The following STEAP1B variants were observed in gnomAD, a reference collection of about 807,000 sequenced individuals.
STEAP1B encodes the protein STEAP family member 1B, also known as STEAP family protein MGC87042.
A neutral mutation model predicts 27.9 loss-of-function variants in STEAP1B; 13 were observed. The observed-to-expected ratio is 0.47, with a 90% CI of 0.30 to 0.74. The LOEUF (loss-of-function observed/expected upper bound fraction) is 0.74. Ranked by LOEUF, STEAP1B falls within the 30% of genes least tolerant of loss-of-function variation. The pLI is 0.06. For missense variants in STEAP1B, 250 were observed against 298.7 expected (o/e 0.84, Z 1.20); for synonymous variants, 86 against 107.1 (o/e 0.80, Z 1.22).
At chr7:22,424,644 C>T (rs1396384152) in intron 4 of STEAP1B, among the ~76,000 whole-genome samples, 2 of 151,982 alleles carry the variant, frequency 1.3e-5, no homozygotes, top group African/African-American at 2.4e-5. Context: ...AATAATTCCA[C>T]TAGCTTAAGA....
chr7:22,492,999 T>C (rs10266682), intron 3 of STEAP1B, among the ~76,000 whole-genome samples: 68,518 of 152,020 alleles, frequency 0.45, 15,493 homozygotes, highest in East Asian at 0.58. Context: ...TGTGCATGCA[T>C]ATGTGGTAAA....
In STEAP1B at chr7:22,422,529, T is replaced by C. The variant is rs1785056725; in HGVS notation, c.763-2693A>G. 2.6e-5 allele frequency among the ~76,000 whole-genome samples: 4 copies of C among 152,008 alleles called. No individual in the cohort carries two copies. The South Asian group carries it at 6.2e-4, about 24-fold the overall frequency. ...TTTTTTTGAGATAGAGTTTCACTCT[T>C]ATTGCCCAGGCTGGAGTGCAATGGC... is the stretch of plus-strand genomic sequence containing the variant. On this transcript the variant is annotated intron_variant, in intron 4 of 4. Transcript: ENST00000678116.
intron 4 of STEAP1B, among the ~76,000 whole-genome samples, chr7:22,455,194 C>T: frequency 6.6e-6 from 1 of 152,062 alleles, no homozygotes; most frequent in East Asian, 1.9e-4. Context: ...ACAGAGCAGT[C>T]AGAAAGGGTC....
At chr7:22,481,907 G>A (rs1257190724) in intron 4 of STEAP1B, among the ~76,000 whole-genome samples, 4 of 152,346 alleles carry the variant, frequency 2.6e-5, no homozygotes, top group Admixed American at 1.3e-4. Flanking sequence ...GAAGCATCCT[G>A]TAAGTAAAAC....
chr7:22,468,115 T>A (rs1029547208), intron 4 of STEAP1B, among the ~76,000 whole-genome samples: 7 of 152,230 alleles, frequency 4.6e-5, no homozygotes, highest in African/African-American at 1.4e-4. Context: ...TTTTATTTGC[T>A]AAATTCAAAT....
rs1161348453 is a variant in STEAP1B at position 22,483,633 on chromosome 7, T to C, written c.762+8932A>G. 3.3e-5 allele frequency among the ~76,000 whole-genome samples: 5 copies of C among 152,238 alleles called. No individual in the cohort carries two copies. In the East Asian group the frequency reaches 9.6e-4, roughly 29 times the overall value. On this transcript the variant is annotated intron_variant, in intron 4 of 4. Coordinates refer to ENST00000678116, the MANE Select transcript of STEAP1B (RefSeq NM_001382447.1). ...TCAAAATTTTTCATTATCATTATTG[T>C]ATCTGTGATGGTGATCTGTCATCAG... is the stretch of plus-strand genomic sequence containing the variant.
At chr7:22,467,081 T>G (rs1463567574) in intron 4 of STEAP1B, among the ~76,000 whole-genome samples, 1 of 152,210 alleles carries the variant, frequency 6.6e-6, no homozygotes, top group Non-Finnish European at 1.5e-5. Context: ...AATTGAAGGT[T>G]GTTCCAATTG....
chr7:22,458,713 C>G (rs904418003), intron 4 of STEAP1B, among the ~76,000 whole-genome samples: 3 of 152,152 alleles, frequency 2.0e-5, no homozygotes, highest in African/African-American at 7.2e-5. Context: ...AGGACTTTAG[C>G]TTTTCTAGGC....
chr7:22,429,959 G>A (rs1785156770), intron 4 of STEAP1B, among the ~76,000 whole-genome samples: 1 of 152,156 alleles, frequency 6.6e-6, no homozygotes, highest in South Asian at 2.1e-4. Flanking sequence ...TTACCTTGAG[G>A]TAATGGAGAT....
At chr7:22,438,360 A>G in intron 4 of STEAP1B, 1 of 1,086,602 alleles carries the variant, frequency 9.2e-7, no homozygotes, top group East Asian at 2.6e-5. Context: ...CTGTTAGTGA[A>G]GATTGCATTA....
intron 4 of STEAP1B, among the ~76,000 whole-genome samples, chr7:22,489,040 C>A (rs1473383123): frequency 6.6e-6 from 1 of 152,166 alleles, no homozygotes; most frequent in Non-Finnish European, 1.5e-5. Flanking sequence ...AGTCACAGAG[C>A]AGGCAACAGC....
chr7:22,454,830 TATA>T (rs1785546040), intron 4 of STEAP1B, among the ~76,000 whole-genome samples: 3 of 8,330 alleles, frequency 3.6e-4, no homozygotes, highest in African/African-American at 1.3e-3. Flanking sequence ...GAAAATATTA[TATA>T]TATATATATA....
intron 4 of STEAP1B, among the ~76,000 whole-genome samples, chr7:22,456,964 A>ATTTTTTTTT (rs1332500011): frequency 1.5e-4 from 5 of 33,072 alleles, no homozygotes; most frequent in Non-Finnish European, 3.2e-4. Context: ...ATATATATAT[A>ATTTTTTTTT]TATATATATT....
Position 22,458,833 on chromosome 7 carries a change from G to C in STEAP1B, c.762+33732C>G, listed in dbSNP as rs564255939. Among the ~76,000 whole-genome samples, 34 of 152,114 alleles carry C rather than the reference G, an allele frequency of 2.2e-4. 1 individual carries two copies. In the South Asian group the frequency reaches 7.0e-3, roughly 32 times the overall value. Reference sequence around the variant, plus strand: ...GGAGTTTCTACTGTTATCCTGGAGGGGATGGGTGGACAAAGAAGTTTTAAG... The same window carrying C: ...GGAGTTTCTACTGTTATCCTGGAGGCGATGGGTGGACAAAGAAGTTTTAAG... On this transcript the variant is annotated intron_variant, in intron 4 of 4. Transcript: ENST00000678116.
intron 4 of STEAP1B, among the ~76,000 whole-genome samples, chr7:22,463,314 A>G (rs1785712464): frequency 6.6e-6 from 1 of 152,104 alleles, no homozygotes; most frequent in Non-Finnish European, 1.5e-5. Context: ...GAGGATACAA[A>G]CAAATGCAAG....
chr7:22,468,046 T>G (rs1056090874), intron 4 of STEAP1B, among the ~76,000 whole-genome samples: 9 of 152,228 alleles, frequency 5.9e-5, no homozygotes, highest in Non-Finnish European at 1.0e-4. Flanking sequence ...AGGACATATT[T>G]CTGCTAAAGA....
intron 4 of STEAP1B, among the ~76,000 whole-genome samples, chr7:22,446,534 C>T (rs1452532209): frequency 3.9e-5 from 6 of 152,198 alleles, no homozygotes; most frequent in Non-Finnish European, 8.8e-5. Flanking sequence ...ATAAACACTG[C>T]CCTAAGATTT....
At chr7:22,479,224 G>T (rs565702866) in intron 4 of STEAP1B, among the ~76,000 whole-genome samples, 1 of 152,154 alleles carries the variant, frequency 6.6e-6, no homozygotes, top group Non-Finnish European at 1.5e-5. Context: ...CATAAACCAG[G>T]GTGGGGAATG....
intron 4 of STEAP1B, among the ~76,000 whole-genome samples, chr7:22,469,203 A>G (rs1474370861): frequency 6.6e-6 from 1 of 152,176 alleles, no homozygotes; most frequent in Non-Finnish European, 1.5e-5. Context: ...TTGTATCTTC[A>G]TTTTTAACAA....
Sources: allele counts gnomAD v4.1 joint callset (sites outside exome capture counted in the v4.1 genomes callset), GRCh38; gene constraint gnomAD v4.1.1; transcripts MANE v1.5; gene names NCBI Gene and HGNC (gene_info 2026-07-23, HGNC 2026-07-21).